Variants in ZNF770 observed in about 807,000 individuals in gnomAD.
ZNF770 encodes the protein zinc finger protein 770.
ZNF770 carries 13 observed loss-of-function variants against 44.8 expected under a neutral mutation model. The observed-to-expected ratio is 0.29, with a 90% CI of 0.19 to 0.46. The LOEUF is 0.46. ZNF770 is among the 20% of genes least tolerant of loss of function. ZNF770 has a pLI of 1.00. For synonymous variants in ZNF770, 304 were observed against 271.8 expected (o/e 1.12, Z -1.17); for missense variants, 681 against 797.9 (o/e 0.85, Z 1.77).
chr15:34,979,711 A>T lies in ZNF770; in HGVS notation c.*1648T>A, dbSNP rs1206614160. 1 of 446,250 alleles carries T rather than the reference A, an allele frequency of 2.2e-6. No individual in the cohort carries two copies. The allele number at this position is 446,250 out of a possible 1,614,324, so 27.6% of individuals were successfully genotyped here. On this transcript the variant is annotated 3_prime_UTR_variant, in exon 3 of 3. Coordinates refer to ENST00000356321, the MANE Select transcript of ZNF770 (RefSeq NM_014106.4). The stretch of plus-strand genomic sequence containing the variant: ...GTTCTCAGTTTATGATGCAAAACTT[A>T]CAATTGTTCATTTATCCACATTCTC...
In ZNF770 at chr15:34,979,562, C is replaced by G. The variant is rs976290115; in HGVS notation, c.*1797G>C. On this transcript the variant is annotated 3_prime_UTR_variant, in exon 3 of 3. Coordinates refer to ENST00000356321, the MANE Select transcript of ZNF770 (RefSeq NM_014106.4). ...CACTTCTACATCACTGGGTATTTTA[C>G]TCAGACTGTCATGTTTCATCTCTGT... The G allele has an allele frequency of 1.2e-5, 5 of 427,356 alleles. No homozygotes were observed. Among genetic ancestry groups the G allele is most frequent in the African/African-American group, 8.2e-5 (4 of 48,752 alleles). 26.5% of individuals were successfully genotyped at this position (427,356 alleles called of 1,614,324 possible). A position where few individuals can be genotyped will look rare whatever the true frequency, so the allele number is the denominator to read the frequency against.
rs564865833 is a variant in ZNF770 at position 34,979,278 on chromosome 15, T to A, written c.*2081A>T. ...TTTCTTCAAATAAAATTACATAAAT[T>A]GCTTAGAAAAATGCCAAAATCAATA... On this transcript the variant is annotated 3_prime_UTR_variant, in exon 3 of 3. Coordinates refer to ENST00000356321, the MANE Select transcript of ZNF770 (RefSeq NM_014106.4). 1 of 159,302 alleles carries A rather than the reference T, an allele frequency of 6.3e-6. No individual in the cohort carries two copies. Among genetic ancestry groups the A allele is most frequent in the East Asian group, 1.9e-4 (1 of 5,256 alleles). 9.9% of individuals were successfully genotyped at this position (159,302 alleles called of 1,614,324 possible).
At chr15:34,987,849 T>C in intron 1 of ZNF770, among the ~76,000 whole-genome samples, 176 bp from the exon 2 acceptor site, 1 of 151,604 alleles carries the variant, frequency 6.6e-6, no homozygotes, top group Admixed American at 6.6e-5. Context: ...CAACCAATAA[T>C]AAGCACGTAA....
Position 34,981,309 on chromosome 15 carries a change from C to T in ZNF770, c.*50G>A, listed in dbSNP as rs1438937541. 2.7e-6 allele frequency: 4 copies of T among 1,506,750 alleles called. No individual in the cohort carries two copies. Among genetic ancestry groups the T allele is most frequent in the South Asian group, 1.3e-5 (1 of 76,770 alleles). The allele number at this position is 1,506,750 out of a possible 1,614,324, so 93.3% of individuals were successfully genotyped here. Reference sequence around the variant, plus strand: ...AAAAATGCATTTTAAATAATACAGGCTTTAAAAATAAGATCACCAGAGACC... The same window carrying T: ...AAAAATGCATTTTAAATAATACAGGTTTTAAAAATAAGATCACCAGAGACC... On this transcript the variant is annotated 3_prime_UTR_variant, in exon 3 of 3. Coordinates refer to ENST00000356321, the MANE Select transcript of ZNF770 (RefSeq NM_014106.4).
At position 34,978,925 on chromosome 15, in the gene ZNF770, T is replaced by C. The variant is rs571043087; in HGVS notation, c.*2434A>G. The C allele has an allele frequency of 1.3e-5, 2 of 152,382 alleles. No homozygotes were observed. Among genetic ancestry groups the C allele is most frequent in the Admixed American group, 6.5e-5 (1 of 15,304 alleles). The allele number at this position is 152,382 out of a possible 1,614,324, so 9.4% of individuals were successfully genotyped here. ...AATACCTAATGCAATGTAAATGCTA[T>C]TTAAATAACTGTTATACTGTATTTT... On this transcript the variant is annotated 3_prime_UTR_variant, in exon 3 of 3. Transcript: ENST00000356321.
chr15:34,982,953 G>C lies in ZNF770; in HGVS notation c.482C>G (p.Ala161Gly). The change falls in exon 3 of 3, where the codon GCA (alanine) becomes GGA (glycine). Residue 161 changes from alanine to glycine, a missense_variant. Physicochemically the swap from Ala to Gly is moderately conservative, Grantham distance 60. Transcript: ENST00000356321. Reference protein sequence around the residue: ...YSMKRRKNIHACTICGKMFPS... With the variant: ...YSMKRRKNIHGCTICGKMFPS... ...AAACATCTTGCCACAGATTGTACAT[G>C]CATGAATATTCTTTCTTCTTTTCAT... is the stretch of plus-strand genomic sequence containing the variant. The C allele has an allele frequency of 6.2e-7, 1 of 1,614,038 alleles. No individual in the cohort carries two copies. Among genetic ancestry groups the C allele is most frequent in the Non-Finnish European group, 8.5e-7 (1 of 1,179,984 alleles).
intron 2 of ZNF770, among the ~76,000 whole-genome samples, chr15:34,985,047 T>C (rs1370672843): frequency 3.3e-5 from 5 of 151,512 alleles, no homozygotes; most frequent in Admixed American, 3.3e-4. Flanking sequence ...AGCACGATAA[T>C]TGCTTGAACT....
At position 34,980,321 on chromosome 15, in the gene ZNF770, G is replaced by A. The variant is rs1250537296; in HGVS notation, c.*1038C>T. ...TCATACGTATTATGAAAAAGACTATGGCACTTAGAAAATATTCCTGGTAAG... is the reference window on the plus strand; with the variant it reads ...TCATACGTATTATGAAAAAGACTATAGCACTTAGAAAATATTCCTGGTAAG... On this transcript the variant is annotated 3_prime_UTR_variant, in exon 3 of 3. Coordinates refer to ENST00000356321, the MANE Select transcript of ZNF770 (RefSeq NM_014106.4). The A allele has an allele frequency of 6.6e-6, 1 of 152,066 alleles. No homozygotes were observed. The highest frequency in any genetic ancestry group is 2.4e-5 in the African/African-American group (1 of 41,398). 9.4% of individuals were successfully genotyped at this position (152,066 alleles called of 1,614,324 possible).
rs1190210819 is a variant in ZNF770 at position 34,982,505 on chromosome 15, A to C, written c.930T>G (p.Asn310Lys). 2 of 1,614,058 alleles carry C rather than the reference A, an allele frequency of 1.2e-6. No individual in the cohort carries two copies. Residue 310 changes from asparagine (N) to lysine (K), a missense_variant, in exon 3 of 3, where the codon AAT becomes AAG. Coordinates refer to ENST00000356321, the MANE Select transcript of ZNF770 (RefSeq NM_014106.4). ...EKCFESEQIL[N>K]EHSCFAARSG... ...TTCTAGCAGCAAAACAGCTGTGTTC[A>C]TTGAGAATCTGCTCTGATTCAAAAC...
At position 34,979,490 on chromosome 15, in the gene ZNF770, A is replaced by C; in HGVS notation, c.*1869T>G. The C allele has an allele frequency of 3.4e-6, 1 of 292,338 alleles. No individual in the cohort carries two copies. The highest frequency in any genetic ancestry group is 6.8e-6 in the Non-Finnish European group (1 of 147,020). The allele number at this position is 292,338 out of a possible 1,614,324, so 18.1% of individuals were successfully genotyped here. A position where few individuals can be genotyped will look rare whatever the true frequency, so the allele number is the denominator to read the frequency against. On this transcript the variant is annotated 3_prime_UTR_variant, in exon 3 of 3. Transcript: ENST00000356321. ...GAGAAAGTGTTCTTTAAAGCATGTG[A>C]TTCTCCTGTTTTTGCTGGATGTCTG...
At position 34,982,523 on chromosome 15, in the gene ZNF770, T is replaced by C. The variant is rs2050409419; in HGVS notation, c.912A>G (p.Glu304=). 1 of 1,614,044 alleles carries C rather than the reference T, an allele frequency of 6.2e-7. No individual in the cohort carries two copies. Among genetic ancestry groups the C allele is most frequent in the Non-Finnish European group, 8.5e-7 (1 of 1,179,982 alleles). The change falls in exon 3 of 3, where the codon GAA becomes GAG. Residue 304 remains glutamate, a synonymous_variant. Transcript: ENST00000356321. ...FQCPKCEKCF[E]SEQILNEHSC... is the part of the protein sequence containing the mutation. ...TGTGTTCATTGAGAATCTGCTCTGA[T>C]TCAAAACACTTTTCACACTTTGGAC...
In ZNF770 at chr15:34,978,530, G is replaced by A. The variant is rs1174704148; in HGVS notation, c.*2829C>T. ...TACTTCAGTAAATGATCATACTACA[G>A]CCTGGAATCACTCAAACAAAAAATT... On this transcript the variant is annotated 3_prime_UTR_variant, in exon 3 of 3. Transcript: ENST00000356321. The A allele has an allele frequency of 6.6e-6, 1 of 151,976 alleles. No homozygotes were observed. The highest frequency in any genetic ancestry group is 2.4e-5 in the African/African-American group (1 of 41,346). The allele number at this position is 151,976 out of a possible 1,614,324, so 9.4% of individuals were successfully genotyped here.
rs1340175074 is a variant in ZNF770, at chr15:34,983,105, A to G, written c.330T>C (p.Asn110=). ...CCAGCAATCTTCTGACCTGTTTAAC[A>G]TTATTCTGATAGGTTTCATTGTGAA... ...QQLHNETYQN[N]VKQVRRLLEA... is the part of the protein sequence containing the mutation. The change falls in exon 3 of 3, where the codon AAT becomes AAC. Residue 110 remains asparagine, a synonymous_variant. Transcript: ENST00000356321. 1.9e-6 allele frequency: 3 copies of G among 1,614,056 alleles called. No homozygotes were observed. In the South Asian group the frequency reaches 3.3e-5, roughly 18 times the overall value.
Position 34,982,832 on chromosome 15 carries a change from A to G in ZNF770, c.603T>C (p.Thr201=). ...VLCTKSFRQS[T]HLKIHQLTHS... is the part of the protein sequence containing the mutation. ...GTGTAAGTTGGTGGATTTTTAAGTG[A>G]GTTGACTGTCGAAAAGATTTAGTAC... Residue 201 remains threonine (T), a synonymous_variant, in exon 3 of 3, where the codon ACT becomes ACC. Transcript: ENST00000356321. The G allele has an allele frequency of 6.2e-7, 1 of 1,613,878 alleles. No individual in the cohort carries two copies. The highest frequency in any genetic ancestry group is 8.5e-7 in the Non-Finnish European group (1 of 1,179,978).
chr15:34,982,842 C>G lies in ZNF770; in HGVS notation c.593G>C (p.Arg198Pro), dbSNP rs148085641. The G allele has an allele frequency of 6.2e-7, 1 of 1,613,562 alleles. No homozygotes were observed. Among genetic ancestry groups the G allele is most frequent in the Non-Finnish European group, 8.5e-7 (1 of 1,179,950 alleles). Reference protein sequence around the residue: ...FKCVLCTKSFRQSTHLKIHQL... With the variant: ...FKCVLCTKSFPQSTHLKIHQL... The stretch of plus-strand genomic sequence containing the variant: ...GTGGATTTTTAAGTGAGTTGACTGT[C>G]GAAAAGATTTAGTACACAAGACACA... The change falls in exon 3 of 3, where the codon CGA becomes CCA. Residue 198 changes from arginine (R) to proline (P), a missense_variant. By Grantham distance (103) the Arg-to-Pro change is moderately radical. Transcript: ENST00000356321.
At chr15:34,985,251 T>C (rs1352233996) in intron 2 of ZNF770, among the ~76,000 whole-genome samples, 1 of 151,882 alleles carries the variant, frequency 6.6e-6, no homozygotes, top group Non-Finnish European at 1.5e-5. Flanking sequence ...TGCCCTTAAA[T>C]AAAGGAGTCA....
rs1566796773 is a variant in ZNF770 at position 34,978,688 on chromosome 15, T to C, written c.*2671A>G. 1 of 145,916 alleles carries C rather than the reference T, an allele frequency of 6.9e-6. No homozygotes were observed. The highest frequency in any genetic ancestry group is 1.5e-5 in the Non-Finnish European group (1 of 67,030). The allele number at this position is 145,916 out of a possible 1,614,324, so 9.0% of individuals were successfully genotyped here. Reference sequence around the variant, plus strand: ...ATGTTTAATCTTCTTAACATGTATATTTTCATTCCTATAAAGTTTCCATAA... The same window carrying C: ...ATGTTTAATCTTCTTAACATGTATACTTTCATTCCTATAAAGTTTCCATAA... On this transcript the variant is annotated 3_prime_UTR_variant, in exon 3 of 3. Transcript: ENST00000356321.
rs2050448699 is a variant in ZNF770, at chr15:34,988,259, G to GCGCACGTC, written c.-325_-318dup. Reference sequence around the variant, plus strand: ...GGCCCAGGTGCCGCGAAGGCAGCGCGCGCACGTCCGCAGGGCCGGCGCGGC... The same window carrying GCGCACGTC: ...GGCCCAGGTGCCGCGAAGGCAGCGCGCGCACGTCCGCACGTCCGCAGGGCCGGCGCGGC... On this transcript the variant is annotated 5_prime_UTR_variant, in exon 1 of 3. Transcript: ENST00000356321. 1 of 152,176 alleles carries GCGCACGTC rather than the reference G, an allele frequency of 6.6e-6. No homozygotes were observed. Among genetic ancestry groups the GCGCACGTC allele is most frequent in the Admixed American group, 6.5e-5 (1 of 15,278 alleles). 9.4% of individuals were successfully genotyped at this position (152,176 alleles called of 1,614,324 possible).
In ZNF770 at chr15:34,982,662, G is replaced by A. The variant is rs756479959; in HGVS notation, c.773C>T (p.Pro258Leu). The A allele has an allele frequency of 3.1e-6, 5 of 1,612,652 alleles. No individual in the cohort carries two copies. The Admixed American group carries it at 8.3e-5, about 27-fold the overall frequency. ...ATTTGCATTTAACTTATTAGGCAGG[G>A]GGCGAGATTCTGTACGCCTCTTCTT... Reference protein sequence around the residue: ...LLKKRRTESRPLPNKLNANQG... With the variant: ...LLKKRRTESRLLPNKLNANQG... The change falls in exon 3 of 3, where the codon CCC (proline) becomes CTC (leucine). Residue 258 changes from proline to leucine, a missense_variant. Coordinates refer to ENST00000356321, the MANE Select transcript of ZNF770 (RefSeq NM_014106.4).
Sources: allele counts gnomAD v4.1 joint callset (sites outside exome capture counted in the v4.1 genomes callset), GRCh38; gene constraint gnomAD v4.1.1; transcripts MANE v1.5; gene names NCBI Gene and HGNC (gene_info 2026-07-23, HGNC 2026-07-21).